The following CAMK2D variants were observed in gnomAD, a reference collection of about 807,000 sequenced individuals.
CAMK2D encodes the protein calcium/calmodulin-dependent protein kinase type II subunit delta.
CAMK2D carries 37 observed loss-of-function variants against 84.0 expected under a neutral mutation model. The observed-to-expected ratio is 0.44, with a 90% CI of 0.34 to 0.58. The LOEUF (loss-of-function observed/expected upper bound fraction) is 0.58, where lower values mean the gene tolerates loss of function less well. CAMK2D is among the 20% of genes least tolerant of loss of function. CAMK2D has a pLI of 0.02. For missense variants in CAMK2D, 448 were observed against 652.5 expected, an observed-to-expected ratio of 0.69 and a Z score of 3.41; for synonymous variants, 202 against 212.5, an observed-to-expected ratio of 0.95 and a Z score of 0.43.
intron 2 of CAMK2D, chr4:113,754,966 T>C (rs894777382): frequency 1.0e-6 from 1 of 984,710 alleles, no homozygotes. Flanking sequence ...TTTGTCCAAA[T>C]TGTTCCAATT....
chr4:113,603,741 T>C (rs1167279058), intron 4 of CAMK2D, among the ~76,000 whole-genome samples: 1 of 145,086 alleles, frequency 6.9e-6, no homozygotes, highest in Non-Finnish European at 1.5e-5. Context: ...TATATTTCTT[T>C]ATATATATCT....
intron 2 of CAMK2D, chr4:113,679,453 C>T (rs1017445380): frequency 1.4e-5 from 14 of 979,436 alleles, no homozygotes; most frequent in Non-Finnish European, 1.7e-5. Context: ...AGATGTCCAT[C>T]ATATATTCCA....
At chr4:113,622,786 A>G (rs1323187465) in intron 3 of CAMK2D, among the ~76,000 whole-genome samples, 4 of 152,190 alleles carry the variant, frequency 2.6e-5, no homozygotes, top group African/African-American at 9.7e-5. Context: ...ATGTATCTCC[A>G]TATTCAAAAC....
chr4:113,733,192 C>G (rs2099573196), intron 2 of CAMK2D, among the ~76,000 whole-genome samples: 1 of 152,132 alleles, frequency 6.6e-6, no homozygotes, highest in African/African-American at 2.4e-5. Context: ...AAACCAGAAT[C>G]AGGAATGAAA....
At chr4:113,682,316 G>T (rs1447430091) in intron 2 of CAMK2D, among the ~76,000 whole-genome samples, 1 of 151,764 alleles carries the variant, frequency 6.6e-6, no homozygotes. Flanking sequence ...TTTTATATGA[G>T]AAAAATTAAT....
Position 113,466,259 on chromosome 4 carries a change from AAAAT to A in CAMK2D, c.1136-659_1136-656del, listed in dbSNP as rs3062115. 2.6e-3 allele frequency among the ~76,000 whole-genome samples: 385 copies of A among 146,098 alleles called. 2 individuals carry two copies. Among genetic ancestry groups the A allele is most frequent in the African/African-American group, 8.1e-3 (321 of 39,658 alleles). ...GCAACAAGAGCAAAACTCCGTCTCA[AAAAT>A]AAATAAATAAATAAATAAATAAATA... On this transcript the variant is annotated intron_variant, in intron 16 of 20. Coordinates refer to ENST00000511664, the MANE Select transcript of CAMK2D (RefSeq NM_001321571.2).
chr4:113,680,711 C>T (rs1381272729), intron 2 of CAMK2D, among the ~76,000 whole-genome samples: 1 of 152,164 alleles, frequency 6.6e-6, no homozygotes, highest in Non-Finnish European at 1.5e-5. Flanking sequence ...TGCCTAGTCA[C>T]ATAGAACAAA....
intron 2 of CAMK2D, among the ~76,000 whole-genome samples, chr4:113,713,596 T>C (rs1187654469): frequency 6.7e-6 from 1 of 150,008 alleles, no homozygotes; most frequent in Non-Finnish European, 1.5e-5. Flanking sequence ...ATCTAATGGA[T>C]GTGACCTGGA....
At chr4:113,654,176 A>T (rs1486917279) in intron 3 of CAMK2D, among the ~76,000 whole-genome samples, 1 of 151,978 alleles carries the variant, frequency 6.6e-6, no homozygotes, top group Non-Finnish European at 1.5e-5. Flanking sequence ...TTCACTACTT[A>T]AACCTTCAAT....
intron 3 of CAMK2D, among the ~76,000 whole-genome samples, chr4:113,644,356 A>C (rs2099143328): frequency 6.6e-6 from 1 of 152,248 alleles, no homozygotes; most frequent in Non-Finnish European, 1.5e-5. Context: ...TTATTCTAGA[A>C]GCAGCACTTG....
intron 16 of CAMK2D, among the ~76,000 whole-genome samples, chr4:113,469,534 T>A (rs1333339200): frequency 6.6e-6 from 1 of 152,208 alleles, no homozygotes; most frequent in Non-Finnish European, 1.5e-5. Flanking sequence ...TGTACACCAG[T>A]GTTTTAAATA....
intron 2 of CAMK2D, among the ~76,000 whole-genome samples, chr4:113,737,819 T>C (rs2148878085): frequency 6.6e-6 from 1 of 152,280 alleles, no homozygotes; most frequent in East Asian, 1.9e-4. Context: ...ATAATAAAAT[T>C]GGAACTAGAT....
intron 17 of CAMK2D, among the ~76,000 whole-genome samples, chr4:113,464,862 A>G (rs1277866048): frequency 4.6e-5 from 7 of 152,148 alleles, no homozygotes; most frequent in African/African-American, 1.7e-4. Flanking sequence ...TGCACATTTT[A>G]TGTACTTTCA....
chr4:113,740,580 C>A (rs889599597), intron 2 of CAMK2D, among the ~76,000 whole-genome samples: 2 of 152,030 alleles, frequency 1.3e-5, no homozygotes, highest in Non-Finnish European at 2.9e-5. Flanking sequence ...CCATTCCAAT[C>A]TTAGTATACT....
chr4:113,464,567 T>C (rs1163073949), intron 17 of CAMK2D, among the ~76,000 whole-genome samples: 1 of 152,128 alleles, frequency 6.6e-6, no homozygotes, highest in Non-Finnish European at 1.5e-5. Context: ...ATTAGTTGCA[T>C]GGTGTAAGGA....
intron 3 of CAMK2D, among the ~76,000 whole-genome samples, chr4:113,619,510 C>T (rs908642254): frequency 2.0e-5 from 3 of 152,124 alleles, no homozygotes; most frequent in Non-Finnish European, 2.9e-5. Flanking sequence ...CTAACCTCTC[C>T]TACTACTCAT....
At chr4:113,743,941 T>C (rs867403536) in intron 2 of CAMK2D, among the ~76,000 whole-genome samples, 10 of 151,996 alleles carry the variant, frequency 6.6e-5, no homozygotes, top group South Asian at 2.1e-4. Flanking sequence ...TCCAGGTTCA[T>C]GCCATTCTCC....
chr4:113,664,922 G>T (rs1377180394), intron 2 of CAMK2D, among the ~76,000 whole-genome samples: 3 of 151,932 alleles, frequency 2.0e-5, no homozygotes, highest in Non-Finnish European at 4.4e-5. Flanking sequence ...TCCTGCCTCA[G>T]CCTCCCAAGT....
intron 2 of CAMK2D, among the ~76,000 whole-genome samples, chr4:113,665,181 C>T (rs1222715245): frequency 6.6e-6 from 1 of 152,192 alleles, no homozygotes; most frequent in Non-Finnish European, 1.5e-5. Context: ...TCCATATAAT[C>T]ACATAACTTA....
Sources: gnomAD v4.1 joint callset for allele counts (sites outside exome capture counted in the v4.1 genomes callset) on GRCh38, gnomAD v4.1.1 for gene constraint, MANE v1.5 for transcripts, NCBI Gene and HGNC (gene_info 2026-07-23, HGNC 2026-07-21) for gene names.